Variants in ADAM22 observed in about 807,000 individuals in gnomAD.
ADAM22 encodes ADAM metallopeptidase domain 22.
Under a neutral mutation model 144.6 loss-of-function variants are expected in ADAM22, and 65 were observed. The ratio of observed to expected loss-of-function variants is 0.45; its 90% CI spans 0.37 to 0.55. ADAM22 has a LOEUF of 0.55. Ranked by LOEUF, ADAM22 falls within the 20% of genes least tolerant of loss-of-function variation. The pLI is 0.00. For synonymous variants in ADAM22, 391 were observed against 412.6 expected (o/e 0.95, Z 0.63); for missense variants, 974 against 1,184.9 (o/e 0.82, Z 2.61).
intron 3 of ADAM22, among the ~76,000 whole-genome samples, chr7:88,032,627 A>AT (rs1800563784): frequency 3.9e-5 from 6 of 152,174 alleles, no homozygotes; most frequent in Admixed American, 3.9e-4. Flanking sequence ...AAATGTGAAA[A>AT]GGACATGAGA....
intron 29 of ADAM22, chr7:88,186,414 C>G (rs1403268714): frequency 6.9e-6 from 4 of 576,728 alleles, no homozygotes; most frequent in Non-Finnish European, 1.2e-5. Flanking sequence ...TGTAGAATGC[C>G]TTGATTGAGC....
chr7:88,042,162 C>T (rs1803302692), intron 3 of ADAM22, among the ~76,000 whole-genome samples: 4 of 151,958 alleles, frequency 2.6e-5, no homozygotes, highest in Admixed American at 2.6e-4. Flanking sequence ...GGCTTTCTCA[C>T]TGTTTTCCAT....
chr7:88,142,666 G>A (rs972057394), intron 14 of ADAM22, among the ~76,000 whole-genome samples: 6 of 151,778 alleles, frequency 4.0e-5, no homozygotes, highest in South Asian at 4.1e-4. Flanking sequence ...ATGAAACCCC[G>A]TCTCTACTAA....
chr7:88,022,365 T>C (rs1585071422), intron 3 of ADAM22, among the ~76,000 whole-genome samples: 3 of 152,174 alleles, frequency 2.0e-5, no homozygotes, highest in East Asian at 3.8e-4. Context: ...CAAACTAAAA[T>C]TCAATGTTTT....
intron 2 of ADAM22, among the ~76,000 whole-genome samples, chr7:87,943,146 T>G (rs2022165): frequency 0.029 from 4,336 of 148,724 alleles, 176 homozygotes; most frequent in African/African-American, 0.091. Flanking sequence ...TATATAAGTA[T>G]AAATATATAA....
chr7:88,178,076 T>A (rs1278611468), intron 26 of ADAM22, among the ~76,000 whole-genome samples: 1 of 152,120 alleles, frequency 6.6e-6, no homozygotes, highest in African/African-American at 2.4e-5. Context: ...AAATTTTCTA[T>A]CTGATTACAT....
In ADAM22 at chr7:88,075,677, G is replaced by A. The variant is rs1400805854; in HGVS notation, c.375G>A (p.Lys125=). 2 of 1,613,700 alleles carry A rather than the reference G, an allele frequency of 1.2e-6. No homozygotes were observed. Among genetic ancestry groups the A allele is most frequent in the Non-Finnish European group, 1.7e-6 (2 of 1,179,900 alleles). ...YIERHIEHGG[K]TVEVKGGEHC... The stretch of plus-strand genomic sequence containing the variant: ...AGAGACACATTGAACATGGAGGCAA[G>A]ACTGTGGAAGTTAAAGTAAGTGAAA... Residue 125 remains lysine, a synonymous_variant, in exon 4 of 32, where the codon AAG becomes AAA. Transcript: ENST00000413139.
chr7:88,180,716 G>C lies in ADAM22; in HGVS notation c.2496-789G>C, dbSNP rs147001719. On this transcript the variant is annotated intron_variant, in intron 27 of 31. Coordinates refer to ENST00000413139, the MANE Select transcript of ADAM22 (RefSeq NM_001324418.2). ...CCCAGATTTTAGAAAAATCTCAGTGGGTTATGATTCTTAAGCAGTTAAAAG... is the reference window on the plus strand; with the variant it reads ...CCCAGATTTTAGAAAAATCTCAGTGCGTTATGATTCTTAAGCAGTTAAAAG... 1.8e-3 allele frequency among the ~76,000 whole-genome samples: 279 copies of C among 152,080 alleles called. 2 individuals carry two copies. The highest frequency in any genetic ancestry group is 6.1e-3 in the African/African-American group (255 of 41,522).
chr7:88,032,524 G>A (rs1332762095), intron 3 of ADAM22, among the ~76,000 whole-genome samples: 1 of 152,188 alleles, frequency 6.6e-6, no homozygotes, highest in East Asian at 1.9e-4. Context: ...GACCTGCCTT[G>A]TCTCAGATGT....
intron 3 of ADAM22, among the ~76,000 whole-genome samples, chr7:88,022,047 A>T (rs957186731): frequency 9.3e-5 from 14 of 151,346 alleles, no homozygotes; most frequent in African/African-American, 2.4e-4. Context: ...TAATTAAAAA[A>T]TTTTTTATTT....
At position 88,134,310 on chromosome 7, in the gene ADAM22, T is replaced by C. The variant is rs1563292191; in HGVS notation, c.1078-19T>C. The C allele has an allele frequency of 6.4e-7, 1 of 1,573,622 alleles. No individual in the cohort carries two copies. On this transcript the variant is annotated intron_variant, in intron 12 of 31. Transcript: ENST00000413139. ...CAATTTGGATTTACATATATTTTAT[T>C]TTTGTTTTTGTTTTTCAGTTTGGGA...
chr7:88,125,350 T>A (rs900959017), intron 7 of ADAM22, among the ~76,000 whole-genome samples: 5 of 152,040 alleles, frequency 3.3e-5, no homozygotes, highest in African/African-American at 1.2e-4. Flanking sequence ...AAGAGAAATA[T>A]GAAAAATTTT....
intron 30 of ADAM22, among the ~76,000 whole-genome samples, chr7:88,189,402 A>G (rs1849080579): frequency 1.3e-5 from 2 of 152,338 alleles, no homozygotes; most frequent in South Asian, 4.1e-4. Context: ...TACAACTATC[A>G]TGTATCCAGT....
At chr7:88,104,797 G>A (rs1435252157) in intron 4 of ADAM22, among the ~76,000 whole-genome samples, 1 of 149,300 alleles carries the variant, frequency 6.7e-6, no homozygotes, top group African/African-American at 2.5e-5. Context: ...TGCAAATTGA[G>A]ATTTTTTTTT....
intron 3 of ADAM22, among the ~76,000 whole-genome samples, chr7:88,011,089 G>A (rs1795238923): frequency 6.6e-6 from 1 of 152,160 alleles, no homozygotes; most frequent in African/African-American, 2.4e-5. Flanking sequence ...TCAGGGCTCT[G>A]ACCCATTTAA....
chr7:87,954,071 A>C (rs1455361421), intron 2 of ADAM22, among the ~76,000 whole-genome samples: 1 of 152,096 alleles, frequency 6.6e-6, no homozygotes, highest in Non-Finnish European at 1.5e-5. Context: ...AATACAGCAC[A>C]CTGATGGGTC....
At chr7:87,963,763 G>A (rs1279805894) in intron 2 of ADAM22, among the ~76,000 whole-genome samples, 2 of 152,284 alleles carry the variant, frequency 1.3e-5, no homozygotes, top group Middle Eastern at 3.4e-3. Context: ...ACTGGCTCCA[G>A]AGCTCCACCA....
intron 4 of ADAM22, among the ~76,000 whole-genome samples, chr7:88,076,104 C>A (rs756057253): frequency 6.6e-6 from 1 of 152,194 alleles, no homozygotes; most frequent in Non-Finnish European, 1.5e-5. Context: ...ACAGCGCGAT[C>A]TCGGCTCACT....
At chr7:87,941,063 C>T (rs1366571453) in intron 2 of ADAM22, among the ~76,000 whole-genome samples, 1 of 152,178 alleles carries the variant, frequency 6.6e-6, no homozygotes, top group Non-Finnish European at 1.5e-5. Flanking sequence ...TCACCCCATA[C>T]ATTTTTAATA....
Sources: allele counts gnomAD v4.1 joint callset (sites outside exome capture counted in the v4.1 genomes callset), GRCh38; gene constraint gnomAD v4.1.1; transcripts MANE v1.5; gene names NCBI Gene and HGNC (gene_info 2026-07-23, HGNC 2026-07-21).